The following MACF1 variants were observed in gnomAD, a reference collection of about 807,000 sequenced individuals.
MACF1 encodes the protein microtubule actin crosslinking factor 1.
In MACF1, 193 loss-of-function variants were observed where a neutral mutation model predicts 854.8. The ratio of observed to expected loss-of-function variants is 0.23; its 90% CI spans 0.20 to 0.25. The LOEUF is 0.25. Ranked by LOEUF, MACF1 falls within the 10% of genes least tolerant of loss-of-function variation. The probability of loss-of-function intolerance (pLI) is 1.00; values close to 1 mark genes in which losing one functional copy is unlikely to be tolerated. For missense variants in MACF1, 7,722 were observed against 8,929.1 expected, an observed-to-expected ratio of 0.86 and a Z score of 5.45; for synonymous variants, 3,185 against 3,226.7, an observed-to-expected ratio of 0.99 and a Z score of 0.44.
At chr1:39,356,018 C>G (rs1317833752) in intron 44 of MACF1, among the ~76,000 whole-genome samples, 1 of 152,148 alleles carries the variant, frequency 6.6e-6, no homozygotes. Flanking sequence ...GTTGTTGATA[C>G]AGGCTAAAAC....
At chr1:39,366,648 T>G (rs1419778372) in intron 49 of MACF1, among the ~76,000 whole-genome samples, 1 of 152,142 alleles carries the variant, frequency 6.6e-6, no homozygotes, top group Non-Finnish European at 1.5e-5. Flanking sequence ...AACTACTTCG[T>G]TGTTTGATTT....
At chr1:39,159,796 A>G (rs1438956214) in intron 2 of MACF1, among the ~76,000 whole-genome samples, 2 of 151,954 alleles carry the variant, frequency 1.3e-5, no homozygotes, top group African/African-American at 4.8e-5. Context: ...AGTAGTTAGG[A>G]TTCTGGACCC....
chr1:39,258,246 A>AT (rs1161456673), intron 6 of MACF1, among the ~76,000 whole-genome samples: 3 of 152,124 alleles, frequency 2.0e-5, no homozygotes, highest in South Asian at 2.1e-4. Context: ...AAATGGAGGG[A>AT]TTTTTTTACC....
intron 2 of MACF1, among the ~76,000 whole-genome samples, chr1:39,187,114 C>T (rs779263304): frequency 6.6e-6 from 1 of 151,836 alleles, no homozygotes; most frequent in Non-Finnish European, 1.5e-5. Flanking sequence ...CAAAGTCACA[C>T]GTTATTGCCG....
At chr1:39,296,780 G>GGAAGGAAGGAAGGA (rs370451952) in intron 20 of MACF1, among the ~76,000 whole-genome samples, 6 of 71,746 alleles carry the variant, frequency 8.4e-5, no homozygotes, top group South Asian at 5.2e-4. Context: ...GGAAAAGAAA[G>GGAAGGAAGGAAGGA]AAAGAAAGAA....
At chr1:39,422,589 A>C in intron 59 of MACF1, 54 bp downstream of exon 59, 13 of 1,558,154 alleles carry the variant, frequency 8.3e-6, no homozygotes, top group Non-Finnish European at 1.1e-5. Flanking sequence ...TAGAAAAGAG[A>C]CATCTGAATC....
chr1:39,137,064 A>G (rs1272171886), intron 2 of MACF1, among the ~76,000 whole-genome samples: 1 of 151,930 alleles, frequency 6.6e-6, no homozygotes, highest in East Asian at 1.9e-4. Flanking sequence ...TATTTTTTTA[A>G]TTTAATTTAA....
At chr1:39,459,019 T>C in intron 90 of MACF1, 67 bp from the exon 91 acceptor site, 1 of 1,330,260 alleles carries the variant, frequency 7.5e-7, no homozygotes, top group Non-Finnish European at 1.0e-6. Flanking sequence ...TCTAGGTTTA[T>C]ACATACAGCT....
At chr1:39,322,490 A>G in intron 31 of MACF1, 118 bp from the exon 32 acceptor site, 1 of 783,108 alleles carries the variant, frequency 1.3e-6, no homozygotes, top group Non-Finnish European at 2.1e-6. Context: ...AAAGTTTGCT[A>G]ACCTCCAGCA....
intron 58 of MACF1, chr1:39,414,128 C>A (rs1643176077): frequency 6.2e-7 from 1 of 1,608,894 alleles, no homozygotes; most frequent in Admixed American, 1.7e-5. Context: ...GCTGCAGTGT[C>A]CAACCTAGAG....
In MACF1 at chr1:39,302,993, A is replaced by C; in HGVS notation, c.2704A>C (p.Ser902Arg). The C allele has an allele frequency of 6.2e-7, 1 of 1,614,238 alleles. No individual in the cohort carries two copies. Among genetic ancestry groups the C allele is most frequent in the Non-Finnish European group, 8.5e-7 (1 of 1,180,026 alleles). The change falls in exon 23 of 101, where the codon AGC (serine) becomes CGC (arginine). Residue 902 changes from serine to arginine, a missense_variant. Transcript: ENST00000564288. ...TCAGCGGACCAAATGGAAAGTGATC[A>C]GCCCCACAGGGAACGAGGCAATGGT... is the stretch of plus-strand genomic sequence containing the variant. ...NSQRTKWKVI[S>R]PTGNEAMVPS... is the part of the protein sequence containing the mutation.
rs1301565158 is a variant in MACF1 at position 39,254,344 on chromosome 1, A to G, written c.404A>G (p.Gln135Arg). 6.2e-7 allele frequency: 1 copy of G among 1,614,180 alleles called. No homozygotes were observed. The highest frequency in any genetic ancestry group is 1.7e-5 in the Admixed American group (1 of 60,030). The change falls in exon 5 of 101, where the codon CAG becomes CGG. Residue 135 changes from glutamine (Q) to arginine (R), a missense_variant. Gln to Arg is a conservative substitution (Grantham distance 43). Coordinates refer to ENST00000564288, the MANE Select transcript of MACF1 (RefSeq NM_001394062.1). ...RMRFHRLQNV[Q>R]IALDFLKQRQ... Reference sequence around the variant, plus strand: ...CGTTTTCATAGGCTGCAGAATGTGCAGATTGCCCTGGACTTCCTAAAGCAG... The same window carrying G: ...CGTTTTCATAGGCTGCAGAATGTGCGGATTGCCCTGGACTTCCTAAAGCAG...
chr1:39,341,295 A>G (rs1646930901), intron 40 of MACF1, among the ~76,000 whole-genome samples: 1 of 150,692 alleles, frequency 6.6e-6, no homozygotes. Context: ...CGGCCTCCCA[A>G]AGTGCTGGGA....
In MACF1 at chr1:39,340,553, G is replaced by T. The variant is rs1364188193; in HGVS notation, c.10267G>T (p.Glu3423Ter). 1 of 1,614,070 alleles carries T rather than the reference G, an allele frequency of 6.2e-7. No individual in the cohort carries two copies. Among genetic ancestry groups the T allele is most frequent in the Non-Finnish European group, 8.5e-7 (1 of 1,180,018 alleles). ...DLTTLVSQEL[E>*]CVNQIIISQP... Reference sequence around the variant, plus strand: ...GACCACCTTGGTCAGTCAGGAGCTGGAGTGTGTGAATCAGATTATCATCAG... The same window carrying T: ...GACCACCTTGGTCAGTCAGGAGCTGTAGTGTGTGAATCAGATTATCATCAG... Residue 3423 changes from glutamate (E) to a stop codon, truncating the protein, a stop_gained, in exon 39 of 101, where the codon GAG becomes TAG. Coordinates refer to ENST00000564288, the MANE Select transcript of MACF1 (RefSeq NM_001394062.1). LOFTEE classifies it high-confidence loss of function.
intron 86 of MACF1, 55 bp downstream of exon 86, chr1:39,452,405 G>A (rs1176095419): frequency 6.5e-7 from 1 of 1,526,986 alleles, no homozygotes; most frequent in Non-Finnish European, 8.8e-7. Context: ...GGTTTATTTG[G>A]TTTTTCTTTT....
intron 2 of MACF1, among the ~76,000 whole-genome samples, chr1:39,108,263 C>T (rs1055950596): frequency 6.6e-6 from 1 of 152,098 alleles, no homozygotes; most frequent in South Asian, 2.1e-4. Flanking sequence ...TCCTTCATTT[C>T]CCCAATTCTC....
chr1:39,465,575 TGTA>T (rs1644650602), intron 95 of MACF1, among the ~76,000 whole-genome samples: 1 of 152,214 alleles, frequency 6.6e-6, no homozygotes, highest in Non-Finnish European at 1.5e-5. Flanking sequence ...ATCTGAGAAG[TGTA>T]GTGTGGAGAT....
chr1:39,378,650 T>C, intron 53 of MACF1, 127 bp downstream of exon 53: 1 of 890,632 alleles, frequency 1.1e-6, no homozygotes, highest in Non-Finnish European at 1.7e-6. Flanking sequence ...GATAAAAATC[T>C]GGGGAGAAGC....
At chr1:39,209,682 T>C (rs1644493678) in intron 1 of MACF1, among the ~76,000 whole-genome samples, 1 of 152,184 alleles carries the variant, frequency 6.6e-6, no homozygotes, top group African/African-American at 2.4e-5. Context: ...TATTGGGTTA[T>C]ATTAAACCTA....
Sources: gnomAD v4.1 joint callset for allele counts (sites outside exome capture counted in the v4.1 genomes callset) on GRCh38, gnomAD v4.1.1 for gene constraint, MANE v1.5 for transcripts, NCBI Gene and HGNC (gene_info 2026-07-23, HGNC 2026-07-21) for gene names.